Variants in VPS37A observed in about 807,000 individuals in gnomAD.
VPS37A encodes vacuolar protein sorting-associated protein 37A.
A neutral mutation model predicts 49.8 loss-of-function variants in VPS37A; 30 were observed. The ratio of observed to expected loss-of-function variants is 0.60; its 90% CI spans 0.45 to 0.82. VPS37A has a LOEUF of 0.82. Among genes scored for constraint, VPS37A ranks in the 40% least tolerant of loss-of-function variants. The probability of loss-of-function intolerance (pLI) is 0.00; values close to 1 mark genes in which losing one functional copy is unlikely to be tolerated. For synonymous variants in VPS37A, 195 were observed against 160.6 expected (o/e 1.21, Z -1.62); for missense variants, 593 against 464.4 (o/e 1.28, Z -2.55).
At chr8:17,286,563 T>G in intron 11 of VPS37A, 136 bp downstream of exon 11, 1 of 659,840 alleles carries the variant, frequency 1.5e-6, no homozygotes, top group Non-Finnish European at 2.5e-6. Context: ...TAACATAGAA[T>G]GCTTTGTATT....
At chr8:17,265,138 G>A (rs2150370291) in intron 1 of VPS37A, among the ~76,000 whole-genome samples, 1 of 152,230 alleles carries the variant, frequency 6.6e-6, no homozygotes, top group South Asian at 2.1e-4. Flanking sequence ...CTTAGTGCAT[G>A]GCTTCAATTC....
downstream of VPS37A, among the ~76,000 whole-genome samples, chr8:17,303,373 A>C (rs993182188): frequency 5.3e-5 from 8 of 152,154 alleles, no homozygotes; most frequent in African/African-American, 1.7e-4. Flanking sequence ...AAACCTTGAG[A>C]AACGAAATCT....
At chr8:17,321,795 G>A in the VPS37A span, among the ~76,000 whole-genome samples, 1 of 152,102 alleles carries the variant, frequency 6.6e-6, no homozygotes, top group Non-Finnish European at 1.5e-5. Context: ...TCATGCCCAG[G>A]TCTAGTGATA....
rs535284982 is a variant in VPS37A, at chr8:17,265,256, A to G, written c.126-651A>G. 2.1e-4 allele frequency among the ~76,000 whole-genome samples: 32 copies of G among 152,272 alleles called. 1 individual carries two copies. Among genetic ancestry groups the G allele is most frequent in the African/African-American group, 7.0e-4 (29 of 41,562 alleles). On this transcript the variant is annotated intron_variant, in intron 1 of 11. Coordinates refer to ENST00000324849, the MANE Select transcript of VPS37A (RefSeq NM_152415.3). ...CAAAATGGGCTCATATCAGTTGTCT[A>G]TTATTTTGTTCCCTTTAAGATATTT...
chr8:17,272,569 G>C (rs1033631552), intron 4 of VPS37A, among the ~76,000 whole-genome samples: 1 of 151,908 alleles, frequency 6.6e-6, no homozygotes, highest in Admixed American at 6.6e-5. Context: ...TTATTTTGTG[G>C]GTTGTACCTG....
chr8:17,262,994 G>C (rs1278479501), intron 1 of VPS37A, among the ~76,000 whole-genome samples: 2 of 150,858 alleles, frequency 1.3e-5, no homozygotes, highest in African/African-American at 4.9e-5. Flanking sequence ...CCGGGAGGCA[G>C]AGGTTGCAGT....
At chr8:17,323,539 TGTAAA>T in the VPS37A span, among the ~76,000 whole-genome samples, 82 of 151,978 alleles carry the variant, frequency 5.4e-4, no homozygotes, top group African/African-American at 1.7e-3. Flanking sequence ...CCGGCGTGGA[TGTAAA>T]GTGGTAGGCA....
At chr8:17,248,255 T>TA in intron 1 of VPS37A, 6 of 437,020 alleles carry the variant, frequency 1.4e-5, no homozygotes, top group South Asian at 9.8e-5. Context: ...GTTAAGTCCC[T>TA]AACCCCTTTT....
chr8:17,277,143 A>T (rs1404049942), intron 6 of VPS37A, among the ~76,000 whole-genome samples: 1 of 152,014 alleles, frequency 6.6e-6, no homozygotes, highest in Non-Finnish European at 1.5e-5. Context: ...GATATATCTC[A>T]TCAAAGATGT....
chr8:17,305,880 A>C, downstream of VPS37A: 1 of 1,613,830 alleles, frequency 6.2e-7, no homozygotes, highest in Non-Finnish European at 8.5e-7. Flanking sequence ...AAATTGTTCC[A>C]TTAACTGCCA....
chr8:17,321,695 C>G, the VPS37A span, among the ~76,000 whole-genome samples: 4 of 152,188 alleles, frequency 2.6e-5, no homozygotes, highest in Non-Finnish European at 5.9e-5. Flanking sequence ...CCAATATTTA[C>G]AAACCATTTT....
the VPS37A span, chr8:17,331,403 C>G: frequency 9.6e-7 from 1 of 1,040,380 alleles, no homozygotes; most frequent in Non-Finnish European, 1.3e-6. Context: ...AAACATAATA[C>G]GCTTATTTGA....
chr8:17,304,745 TCG>T (rs1491461818), downstream of VPS37A, among the ~76,000 whole-genome samples: 1 of 9,874 alleles, frequency 1.0e-4, no homozygotes, highest in Non-Finnish European at 1.8e-4. Context: ...GGTGTTCGAT[TCG>T]TGTGTGTGTG....
chr8:17,286,550 A>G (rs1263237190), intron 11 of VPS37A, 123 bp downstream of exon 11: 30 of 743,198 alleles, frequency 4.0e-5, no homozygotes, highest in East Asian at 3.6e-4. Context: ...TTACTGTGCT[A>G]TGTAACATAG....
chr8:17,299,750 G>A (rs6992513), downstream of VPS37A: 1,025,681 of 1,443,494 alleles, frequency 0.71, 366,476 homozygotes, highest in African/African-American at 0.88. Flanking sequence ...CTGCATTAAA[G>A]TAGTTCTCAA....
At chr8:17,331,218 A>G in the VPS37A span, 1 of 1,612,856 alleles carries the variant, frequency 6.2e-7, no homozygotes. Flanking sequence ...CTGAAACTTG[A>G]TATTGGAATA....
At chr8:17,323,258 C>T in the VPS37A span, among the ~76,000 whole-genome samples, 6 of 152,014 alleles carry the variant, frequency 3.9e-5, no homozygotes, top group Non-Finnish European at 7.4e-5. Context: ...ACAGAATTAT[C>T]TTGATTTATT....
chr8:17,332,065 A>G, the VPS37A span, among the ~76,000 whole-genome samples: 1 of 152,210 alleles, frequency 6.6e-6, no homozygotes, highest in South Asian at 2.1e-4. Flanking sequence ...TAGCTGGGAA[A>G]TGCATCGGTT....
chr8:17,307,217 T>A (rs1028868334), downstream of VPS37A, among the ~76,000 whole-genome samples: 10 of 152,068 alleles, frequency 6.6e-5, no homozygotes, highest in African/African-American at 2.4e-4. Flanking sequence ...CATCAAAAAG[T>A]GGGCAAAGGA....
Sources: allele counts gnomAD v4.1 joint callset (sites outside exome capture counted in the v4.1 genomes callset), GRCh38; gene constraint gnomAD v4.1.1; transcripts MANE v1.5; gene names NCBI Gene and HGNC (gene_info 2026-07-23, HGNC 2026-07-21).